Variants in SEMA6A observed in about 807,000 individuals in gnomAD.
SEMA6A encodes the protein semaphorin 6A.
Under a neutral mutation model 96.8 loss-of-function variants are expected in SEMA6A, and 25 were observed. The ratio of observed to expected loss-of-function variants is 0.26; its 90% CI spans 0.19 to 0.36. The LOEUF (loss-of-function observed/expected upper bound fraction) is 0.36, where lower values mean the gene tolerates loss of function less well. Ranked by LOEUF, SEMA6A falls within the 10% of genes least tolerant of loss-of-function variation. The pLI is 1.00. For synonymous variants in SEMA6A, 612 were observed against 518.0 expected, an observed-to-expected ratio of 1.18 and a Z score of -2.46; for missense variants, 1,363 against 1,323.1, an observed-to-expected ratio of 1.03 and a Z score of -0.47.
At chr5:116,554,725 C>G (rs1039532340) in intron 1 of SEMA6A, 2 of 152,078 alleles carry the variant, frequency 1.3e-5, no homozygotes, top group African/African-American at 4.8e-5. Context: ...ACATATAAAA[C>G]AAATATTCAG....
At chr5:116,532,395 T>C (rs2112842848) in intron 1 of SEMA6A, among the ~76,000 whole-genome samples, 1 of 152,328 alleles carries the variant, frequency 6.6e-6, no homozygotes, top group East Asian at 1.9e-4. Flanking sequence ...GCAAGAAATT[T>C]ATGTCAAAGT....
intron 10 of SEMA6A, among the ~76,000 whole-genome samples, chr5:116,484,428 C>T (rs554760622): frequency 6.6e-6 from 1 of 152,192 alleles, no homozygotes; most frequent in East Asian, 1.9e-4. Context: ...GTTTATAGAA[C>T]CCCTACTTAA....
intron 1 of SEMA6A, among the ~76,000 whole-genome samples, chr5:116,524,536 T>C (rs1759117189): frequency 6.6e-6 from 1 of 152,050 alleles, no homozygotes. Context: ...CATTACAAGC[T>C]CGGGTTGTGA....
chr5:116,551,812 T>G lies in SEMA6A; in HGVS notation c.-39+22373A>C, dbSNP rs898866089. ...TCTCTTTCAGCTTCCTGTCTGCAAT[T>G]AAACACAGATGTGCTACAACAACAT... On this transcript the variant is annotated intron_variant, in intron 1 of 18. Transcript: ENST00000343348. Among the ~76,000 whole-genome samples, 17 of 152,238 alleles carry G rather than the reference T, an allele frequency of 1.1e-4. 1 individual carries two copies. Among genetic ancestry groups the G allele is most frequent in the Admixed American group, 9.8e-4 (15 of 15,280 alleles).
At chr5:116,460,079 AAGG>A (rs1755287126) in intron 18 of SEMA6A, among the ~76,000 whole-genome samples, 1 of 152,174 alleles carries the variant, frequency 6.6e-6, no homozygotes, top group Admixed American at 6.5e-5. Flanking sequence ...TAAAAATAAA[AAGG>A]AGGGCAGCCA....
At chr5:116,480,975 A>C (rs1385999016) in intron 11 of SEMA6A, among the ~76,000 whole-genome samples, 1 of 152,154 alleles carries the variant, frequency 6.6e-6, no homozygotes, top group Non-Finnish European at 1.5e-5. Context: ...CAGATTAGGG[A>C]AACACTGAAA....
intron 2 of SEMA6A, among the ~76,000 whole-genome samples, chr5:116,503,355 C>G (rs1248567242): frequency 6.6e-6 from 1 of 152,126 alleles, no homozygotes; most frequent in Non-Finnish European, 1.5e-5. Flanking sequence ...TACAAGGGAG[C>G]TTGGTATAAG....
chr5:116,465,046 C>A (rs927813430), intron 18 of SEMA6A, among the ~76,000 whole-genome samples: 1 of 152,174 alleles, frequency 6.6e-6, no homozygotes, highest in African/African-American at 2.4e-5. Context: ...ACAAATGTCA[C>A]ATTCTCATGA....
rs1754218788 is a variant in SEMA6A, at chr5:116,446,523, TG to T, written c.*89del. 8.9e-7 allele frequency: 1 copy of T among 1,122,520 alleles called. No individual in the cohort carries two copies. Among genetic ancestry groups the T allele is most frequent in the South Asian group, 2.0e-5 (1 of 51,036 alleles). The allele number at this position is 1,122,520 out of a possible 1,614,324, so 69.5% of individuals were successfully genotyped here. ...TCTGCCGCAGGCCTTCTTGGTCTGG[TG>T]GGTACTCGAGGCAGTTGAGAACCTT... On this transcript the variant is annotated 3_prime_UTR_variant, in exon 19 of 19. Transcript: ENST00000343348.
At chr5:116,521,443 G>A (rs1758943079) in intron 1 of SEMA6A, among the ~76,000 whole-genome samples, 1 of 152,182 alleles carries the variant, frequency 6.6e-6, no homozygotes, top group African/African-American at 2.4e-5. Flanking sequence ...GAGGGGTAAC[G>A]GGGCTGTGCA....
chr5:116,472,790 A>G (rs1160422764), intron 17 of SEMA6A: 4 of 935,626 alleles, frequency 4.3e-6, no homozygotes, highest in East Asian at 2.8e-5. Flanking sequence ...GTAACAAAGA[A>G]TCTGGTCCAT....
At chr5:116,559,900 C>T (rs1278532601) in intron 1 of SEMA6A, among the ~76,000 whole-genome samples, 6 of 152,218 alleles carry the variant, frequency 3.9e-5, no homozygotes, top group Non-Finnish European at 7.3e-5. Context: ...TTCTAAAACA[C>T]GGATCTGGTG....
In SEMA6A at chr5:116,477,947, T is replaced by A. The variant is rs552251394; in HGVS notation, c.1569-21A>T. On this transcript the variant is annotated intron_variant, in intron 14 of 18. Transcript: ENST00000343348. ...AGGTTCTGCAGGAAGAGGATGACCA[T>A]GAGCTACCTAGGACTGTTTCCTAGC... 61 of 1,607,646 alleles carry A rather than the reference T, an allele frequency of 3.8e-5. 1 individual carries two copies. In the South Asian group the frequency reaches 6.3e-4, roughly 17 times the overall value.
At chr5:116,460,996 AAGTTTAG>A (rs1755361904) in intron 18 of SEMA6A, among the ~76,000 whole-genome samples, 1 of 152,146 alleles carries the variant, frequency 6.6e-6, no homozygotes, top group African/African-American at 2.4e-5. Context: ...TAATCTCTAA[AAGTTTAG>A]AGCAATAAAA....
chr5:116,573,464 G>A (rs899027845), intron 1 of SEMA6A, among the ~76,000 whole-genome samples: 24 of 152,152 alleles, frequency 1.6e-4, no homozygotes, highest in African/African-American at 5.6e-4. Context: ...CAGGACCCAT[G>A]GCGGGGGCGC....
chr5:116,502,137 T>C (rs545927018), intron 3 of SEMA6A, 73 bp downstream of exon 3: 2 of 1,121,736 alleles, frequency 1.8e-6, no homozygotes, highest in South Asian at 2.6e-5. Flanking sequence ...TTAAAAATAA[T>C]GCATAGCTGG....
At chr5:116,561,992 G>A (rs1760835266) in intron 1 of SEMA6A, among the ~76,000 whole-genome samples, 1 of 151,926 alleles carries the variant, frequency 6.6e-6, no homozygotes, top group Admixed American at 6.6e-5. Context: ...TCCAAAAGAT[G>A]TGTTACCTTT....
At position 116,504,696 on chromosome 5, in the gene SEMA6A, T is replaced by C. The variant is rs534465367; in HGVS notation, c.100+149A>G. ...TTATAGAAAAATCATCCTATCAATT[T>C]GACTAGACTTGAATTAGCCACCTTT... is the stretch of plus-strand genomic sequence containing the variant. On this transcript the variant is annotated intron_variant, in intron 2 of 18. Transcript: ENST00000343348. The C allele has an allele frequency of 1.9e-4, 111 of 588,796 alleles. No homozygotes were observed. In the South Asian group the frequency reaches 2.2e-3, roughly 12 times the overall value. The allele number at this position is 588,796 out of a possible 1,614,324, so 36.5% of individuals were successfully genotyped here.
intron 1 of SEMA6A, among the ~76,000 whole-genome samples, chr5:116,526,577 G>C (rs996364120): frequency 1.3e-5 from 2 of 152,122 alleles, no homozygotes; most frequent in Non-Finnish European, 2.9e-5. Context: ...GCAAAATAAA[G>C]TATAAACACA....
Sources: allele counts gnomAD v4.1 joint callset (sites outside exome capture counted in the v4.1 genomes callset), GRCh38; gene constraint gnomAD v4.1.1; transcripts MANE v1.5; gene names NCBI Gene and HGNC (gene_info 2026-07-23, HGNC 2026-07-21).